Variants in TCERG1L observed in about 807,000 individuals in gnomAD.
TCERG1L encodes transcription elongation regulator 1-like protein.
TCERG1L carries 37 observed loss-of-function variants against 56.3 expected under a neutral mutation model. That is an observed-to-expected ratio of 0.66 (90% CI 0.51 to 0.87). The LOEUF (loss-of-function observed/expected upper bound fraction) is 0.87. Ranked by LOEUF, TCERG1L falls within the 40% of genes least tolerant of loss-of-function variation. TCERG1L has a pLI of 0.00. For missense variants in TCERG1L, 799 were observed against 774.2 expected (o/e 1.03, Z -0.38); for synonymous variants, 324 against 326.3 (o/e 0.99, Z 0.08).
intron 3 of TCERG1L, among the ~76,000 whole-genome samples, chr10:131,265,676 T>C (rs1311415390): frequency 6.6e-6 from 1 of 152,224 alleles, no homozygotes; most frequent in African/African-American, 2.4e-5. Context: ...TATAGTGTAG[T>C]CTGTTAAATG....
intron 8 of TCERG1L, among the ~76,000 whole-genome samples, chr10:131,132,310 A>G (rs1845626617): frequency 6.6e-6 from 1 of 152,242 alleles, no homozygotes; most frequent in Non-Finnish European, 1.5e-5. Flanking sequence ...TGGAACCAAC[A>G]TGGAAATGAA....
chr10:131,238,468 G>A (rs1437919893), intron 4 of TCERG1L, among the ~76,000 whole-genome samples: 2 of 152,130 alleles, frequency 1.3e-5, no homozygotes, highest in African/African-American at 4.8e-5. Context: ...GCAGCACTGG[G>A]GCCAGGAGCC....
chr10:131,246,306 G>A (rs561884670), intron 4 of TCERG1L, among the ~76,000 whole-genome samples: 10 of 152,306 alleles, frequency 6.6e-5, no homozygotes, highest in African/African-American at 2.4e-4. Context: ...CACCATGAAG[G>A]AAGGCTGGGG....
intron 4 of TCERG1L, among the ~76,000 whole-genome samples, chr10:131,168,506 C>G (rs1846055157): frequency 6.6e-6 from 1 of 152,206 alleles, no homozygotes; most frequent in Non-Finnish European, 1.5e-5. Context: ...AAATTTATTT[C>G]AGGTGCGGAG....
In TCERG1L at chr10:131,092,979, G is replaced by T. The variant is rs1047338841; in HGVS notation, c.*183C>A. 5.4e-5 allele frequency: 31 copies of T among 573,098 alleles called. No individual in the cohort carries two copies. The Admixed American group carries it at 9.8e-4, about 18-fold the overall frequency. The allele number at this position is 573,098 out of a possible 1,614,324, so 35.5% of individuals were successfully genotyped here. On this transcript the variant is annotated 3_prime_UTR_variant, in exon 12 of 12. Coordinates refer to ENST00000368642, the MANE Select transcript of TCERG1L (RefSeq NM_174937.4). ...ATTAGAAATGCATCAAACTCTGAATGTACAAAAGAGAGAGCTTCAATATGA... is the reference window on the plus strand; with the variant it reads ...ATTAGAAATGCATCAAACTCTGAATTTACAAAAGAGAGAGCTTCAATATGA...
intron 4 of TCERG1L, among the ~76,000 whole-genome samples, chr10:131,225,074 C>A (rs1845777816): frequency 6.6e-6 from 1 of 152,134 alleles, no homozygotes; most frequent in Non-Finnish European, 1.5e-5. Flanking sequence ...TCTCGTTTTG[C>A]AGATGGGAAC....
intron 4 of TCERG1L, among the ~76,000 whole-genome samples, chr10:131,255,635 T>G (rs921076046): frequency 1.3e-5 from 2 of 152,224 alleles, no homozygotes; most frequent in East Asian, 3.9e-4. Context: ...ACATTTTCTC[T>G]TCAAAGAGAG....
chr10:131,102,791 C>T (rs999722313), intron 10 of TCERG1L, among the ~76,000 whole-genome samples: 2 of 152,160 alleles, frequency 1.3e-5, no homozygotes, highest in African/African-American at 4.8e-5. Context: ...GGGCCCTTCT[C>T]AGACGTGATC....
At chr10:131,250,877 C>T (rs1646876585) in intron 4 of TCERG1L, among the ~76,000 whole-genome samples, 1 of 152,182 alleles carries the variant, frequency 6.6e-6, no homozygotes, top group Non-Finnish European at 1.5e-5. Flanking sequence ...AAGCCACATT[C>T]CTCTTTCTCA....
rs188026510 is a variant in TCERG1L, at chr10:131,150,435, C to T, written c.1035-3775G>A. ...GCAACAGGGCCACGGGAGAATTATC[C>T]GGAAGCCAGAGGCCTCGGGACACAG... On this transcript the variant is annotated intron_variant, in intron 6 of 11. Coordinates refer to ENST00000368642, the MANE Select transcript of TCERG1L (RefSeq NM_174937.4). Among the ~76,000 whole-genome samples, 706 of 152,336 alleles carry T rather than the reference C, an allele frequency of 4.6e-3. 3 individuals are homozygous for T. Among genetic ancestry groups the T allele is most frequent in the Middle Eastern group, 0.031 (9 of 294 alleles).
chr10:131,289,244 CGGAGAA>C (rs1846580719), intron 3 of TCERG1L, among the ~76,000 whole-genome samples: 3 of 151,112 alleles, frequency 2.0e-5, no homozygotes, highest in African/African-American at 7.3e-5. Context: ...CGTCACGTGA[CGGAGAA>C]GAGTCTAACA....
Position 131,217,858 on chromosome 10 carries a change from A to G in TCERG1L, c.856+42401T>C, listed in dbSNP as rs188828828. Among the ~76,000 whole-genome samples, 129 of 151,880 alleles carry G rather than the reference A, an allele frequency of 8.5e-4. 2 individuals carry two copies. The East Asian group carries it at 0.012, about 14-fold the overall frequency. ...TGCCTCAGCTTCCTGAGTAGCTAGG[A>G]CTACATGCGCCCGCCACCACGCCCG... On this transcript the variant is annotated intron_variant, in intron 4 of 11. Transcript: ENST00000368642.
chr10:131,218,485 T>C (rs1236144026), intron 4 of TCERG1L, among the ~76,000 whole-genome samples: 1 of 139,480 alleles, frequency 7.2e-6, no homozygotes, highest in Admixed American at 7.3e-5. Flanking sequence ...GCGATCCTTT[T>C]TTTCTATTTA....
chr10:131,133,436 G>A (rs1188336853), intron 8 of TCERG1L, among the ~76,000 whole-genome samples: 1 of 152,210 alleles, frequency 6.6e-6, no homozygotes, highest in East Asian at 1.9e-4. Flanking sequence ...GGCTGATGCA[G>A]GAGCCTGGTG....
chr10:131,310,500 C>T (rs1846875588), intron 1 of TCERG1L, among the ~76,000 whole-genome samples: 1 of 152,224 alleles, frequency 6.6e-6, no homozygotes, highest in Non-Finnish European at 1.5e-5. Context: ...CTAATGAGGT[C>T]AATCCTTGGA....
Position 131,311,495 on chromosome 10 carries a change from G to A in TCERG1L, c.141C>T (p.Ala47=). The A allele has an allele frequency of 8.3e-7, 1 of 1,200,314 alleles. No homozygotes were observed. Among genetic ancestry groups the A allele is most frequent in the Non-Finnish European group, 1.0e-6 (1 of 965,790 alleles). 74.4% of individuals were successfully genotyped at this position (1,200,314 alleles called of 1,614,324 possible). ...CCCCCGCGCTGAGCCGGAGCAGCCC[G>A]GCCGAGCCCGGCACCATCCAGACCC... ...PPWVWMVPGS[A]GLLRLSAGVV... is the part of the protein sequence containing the mutation. The change falls in exon 1 of 12, where the codon GCC becomes GCT. Residue 47 remains alanine (A), a synonymous_variant. Coordinates refer to ENST00000368642, the MANE Select transcript of TCERG1L (RefSeq NM_174937.4). This position sits in a 1 kb window ranked among gnomAD's most constrained non-coding sequence, Gnocchi z 4.0.
At chr10:131,271,215 C>T (rs1210615455) in intron 3 of TCERG1L, among the ~76,000 whole-genome samples, 1 of 149,560 alleles carries the variant, frequency 6.7e-6, no homozygotes, top group Non-Finnish European at 1.5e-5. Flanking sequence ...TCCCGGGACT[C>T]AGTGAAGAAG....
At chr10:131,205,968 C>G (rs10829949) in intron 4 of TCERG1L, among the ~76,000 whole-genome samples, 43,244 of 151,946 alleles carry the variant, frequency 0.28, 6,271 homozygotes, top group African/African-American at 0.31. Context: ...GCCATATGAG[C>G]AGGGGTCCAC....
rs375027793 is a variant in TCERG1L, at chr10:131,262,245, C to T, written c.671-1801G>A. Among the ~76,000 whole-genome samples the T allele has an allele frequency of 3.8e-3, 577 of 152,222 alleles. 1 individual carries two copies. The highest frequency in any genetic ancestry group is 6.8e-3 in the Middle Eastern group (2 of 294). ...CTGCCTGCTTGAATGGGAACAGACGCGCAGGGGACAGCATCGCTTCCAGAT... is the reference window on the plus strand; with the variant it reads ...CTGCCTGCTTGAATGGGAACAGACGTGCAGGGGACAGCATCGCTTCCAGAT... On this transcript the variant is annotated intron_variant, in intron 3 of 11. Transcript: ENST00000368642.
Sources: allele counts gnomAD v4.1 joint callset (sites outside exome capture counted in the v4.1 genomes callset), GRCh38; gene constraint gnomAD v4.1.1; non-coding constraint Gnocchi (gnomAD v3.1); transcripts MANE v1.5; gene names NCBI Gene and HGNC (gene_info 2026-07-23, HGNC 2026-07-21).